KCNQ5: variants seen among roughly 807,000 people sequenced by gnomAD.
KCNQ5 encodes the protein potassium voltage-gated channel subfamily Q member 5.
KCNQ5 carries 30 observed loss-of-function variants against 98.2 expected under a neutral mutation model. The observed-to-expected ratio is 0.31, with a 90% confidence interval of 0.23 to 0.41. The LOEUF (loss-of-function observed/expected upper bound fraction) is 0.41, where lower values mean the gene tolerates loss of function less well. Ranked by LOEUF, KCNQ5 falls within the 10% of genes least tolerant of loss-of-function variation. The pLI, the probability that KCNQ5 is intolerant of heterozygous loss-of-function variation, is 1.00. For missense variants in KCNQ5, 835 were observed against 1,182.5 expected, an observed-to-expected ratio of 0.71 and a Z score of 4.31; for synonymous variants, 458 against 449.4, an observed-to-expected ratio of 1.02 and a Z score of -0.24.
At chr6:72,973,159 CAATT>C (rs531956276) in intron 1 of KCNQ5, among the ~76,000 whole-genome samples, 28 of 152,252 alleles carry the variant, frequency 1.8e-4, no homozygotes, top group African/African-American at 4.8e-4. Context: ...AAATGGCCCT[CAATT>C]AATAATTTAT....
At chr6:73,092,274 T>C (rs553232353) in intron 5 of KCNQ5, among the ~76,000 whole-genome samples, 1 of 152,310 alleles carries the variant, frequency 6.6e-6, no homozygotes, top group South Asian at 2.1e-4. Flanking sequence ...CTAGGAGCTT[T>C]CTGGAGGAGT....
chr6:72,630,588 A>G (rs2098920277), intron 1 of KCNQ5: 1 of 152,198 alleles, frequency 6.6e-6, no homozygotes, highest in African/African-American at 2.4e-5. Flanking sequence ...CTTTTCCTAT[A>G]CAGGTACCAG....
intron 11 of KCNQ5, among the ~76,000 whole-genome samples, 185 bp downstream of exon 11, chr6:73,170,039 C>T (rs1777948289): frequency 6.6e-6 from 1 of 152,128 alleles, no homozygotes; most frequent in Non-Finnish European, 1.5e-5. Context: ...CTGTGTTCAA[C>T]ACAAAGAGTT....
intron 10 of KCNQ5, among the ~76,000 whole-genome samples, chr6:73,156,783 T>G (rs1222808193): frequency 6.6e-6 from 1 of 152,090 alleles, no homozygotes; most frequent in Non-Finnish European, 1.5e-5. Context: ...TGATTCAAGG[T>G]TTGGAAAGAA....
At chr6:72,930,577 A>AT (rs1402046805) in intron 1 of KCNQ5, among the ~76,000 whole-genome samples, 1 of 118,652 alleles carries the variant, frequency 8.4e-6, no homozygotes, top group Non-Finnish European at 1.8e-5. Context: ...TGGACATTTT[A>AT]CCAAAAAAAA....
intron 1 of KCNQ5, among the ~76,000 whole-genome samples, chr6:72,641,728 G>C (rs1053883511): frequency 6.6e-6 from 1 of 152,062 alleles, no homozygotes; most frequent in Non-Finnish European, 1.5e-5. Flanking sequence ...TTTCATGAAT[G>C]AATTATGAAG....
chr6:73,041,314 G>A (rs1190542337), intron 2 of KCNQ5, among the ~76,000 whole-genome samples: 2 of 152,188 alleles, frequency 1.3e-5, no homozygotes, highest in African/African-American at 4.8e-5. Context: ...CCAAAGGGCA[G>A]CATAATAATT....
At chr6:73,142,558 T>C (rs1177630379) in intron 10 of KCNQ5, among the ~76,000 whole-genome samples, 5 of 151,836 alleles carry the variant, frequency 3.3e-5, no homozygotes, top group African/African-American at 4.8e-5. Flanking sequence ...CCACTCTTAG[T>C]GCAGACTCTC....
chr6:72,662,398 A>G (rs1285226007), intron 1 of KCNQ5, among the ~76,000 whole-genome samples: 2 of 152,202 alleles, frequency 1.3e-5, no homozygotes, highest in Non-Finnish European at 2.9e-5. Context: ...TCTCTAGCCA[A>G]TCAGAAATGT....
At chr6:73,071,183 A>C (rs1165929972) in intron 3 of KCNQ5, among the ~76,000 whole-genome samples, 3 of 152,144 alleles carry the variant, frequency 2.0e-5, no homozygotes, top group African/African-American at 4.8e-5. Flanking sequence ...TAAACATTAG[A>C]TTTACTAGTA....
At chr6:72,928,913 TG>T (rs1233443792) in intron 1 of KCNQ5, among the ~76,000 whole-genome samples, 1 of 152,174 alleles carries the variant, frequency 6.6e-6, no homozygotes, top group Non-Finnish European at 1.5e-5. Context: ...CCAGGCACTC[TG>T]CTGGGTGTTA....
At chr6:72,942,358 C>G (rs1562083425) in intron 1 of KCNQ5, among the ~76,000 whole-genome samples, 1 of 152,058 alleles carries the variant, frequency 6.6e-6, no homozygotes, top group Non-Finnish European at 1.5e-5. Flanking sequence ...GTAATTGCCC[C>G]CATACATACC....
chr6:72,646,196 A>G (rs1395450837), intron 1 of KCNQ5, among the ~76,000 whole-genome samples: 1 of 152,144 alleles, frequency 6.6e-6, no homozygotes, highest in Non-Finnish European at 1.5e-5. Flanking sequence ...ATCATACTAC[A>G]TCTTCTCAAA....
intron 2 of KCNQ5, among the ~76,000 whole-genome samples, chr6:73,030,094 G>A (rs773458139): frequency 6.6e-6 from 1 of 152,078 alleles, no homozygotes; most frequent in Non-Finnish European, 1.5e-5. Context: ...AAAAGAGACT[G>A]CATATATTAG....
At chr6:72,822,028 G>A (rs1273914009) in intron 1 of KCNQ5, among the ~76,000 whole-genome samples, 2 of 152,036 alleles carry the variant, frequency 1.3e-5, no homozygotes, top group East Asian at 1.9e-4. Flanking sequence ...TCAGTTTCCT[G>A]GTCAGTCTTT....
intron 1 of KCNQ5, among the ~76,000 whole-genome samples, chr6:72,719,663 T>A (rs1398584590): frequency 6.6e-6 from 1 of 152,164 alleles, no homozygotes; most frequent in African/African-American, 2.4e-5. Flanking sequence ...TTGGCAGTGG[T>A]GGCCCAGTGA....
At chr6:72,924,206 A>T (rs1015226039) in intron 1 of KCNQ5, among the ~76,000 whole-genome samples, 1 of 152,168 alleles carries the variant, frequency 6.6e-6, no homozygotes, top group Non-Finnish European at 1.5e-5. Flanking sequence ...CATCATTTTT[A>T]TAACAATTTC....
chr6:73,186,073 A>G (rs1778560671), intron 11 of KCNQ5, among the ~76,000 whole-genome samples: 1 of 152,116 alleles, frequency 6.6e-6, no homozygotes, highest in Non-Finnish European at 1.5e-5. Flanking sequence ...TGCAAAAAAT[A>G]TAAAAATTAA....
At chr6:73,107,911 T>C (rs978408100) in intron 6 of KCNQ5, among the ~76,000 whole-genome samples, 1 of 152,174 alleles carries the variant, frequency 6.6e-6, no homozygotes, top group Non-Finnish European at 1.5e-5. Flanking sequence ...ATGGTCCATA[T>C]ATACCTTTAG....
Sources: allele counts gnomAD v4.1 joint callset (sites outside exome capture counted in the v4.1 genomes callset), GRCh38; gene constraint gnomAD v4.1.1; transcripts MANE v1.5; gene names NCBI Gene and HGNC (gene_info 2026-07-23, HGNC 2026-07-21).